The following WDFY4 variants were observed in gnomAD, a reference collection of about 807,000 sequenced individuals.
WDFY4 encodes the protein WDFY family member 4.
WDFY4 carries 169 observed loss-of-function variants against 351.9 expected under a neutral mutation model. The observed-to-expected ratio is 0.48, with a 90% CI of 0.42 to 0.55. The LOEUF (loss-of-function observed/expected upper bound fraction) is 0.55. Among genes scored for constraint, WDFY4 ranks in the 20% least tolerant of loss-of-function variants. WDFY4 has a pLI of 0.00. For synonymous variants in WDFY4, 1,622 were observed against 1,574.6 expected (o/e 1.03, Z -0.71); for missense variants, 3,803 against 3,935.6 (o/e 0.97, Z 0.90).
intron 52 of WDFY4, among the ~76,000 whole-genome samples, chr10:48,958,101 C>G (rs999862271): frequency 6.6e-6 from 1 of 152,190 alleles, no homozygotes; most frequent in African/African-American, 2.4e-5. Flanking sequence ...AGGGCATGCA[C>G]CTGAGCCAGG....
chr10:48,921,062 C>A (rs1395765359), intron 47 of WDFY4, among the ~76,000 whole-genome samples: 1 of 152,102 alleles, frequency 6.6e-6, no homozygotes, highest in Non-Finnish European at 1.5e-5. Flanking sequence ...AATGTCAACT[C>A]TCCCCAAATT....
At chr10:48,721,405 C>T (rs1384846795) in intron 4 of WDFY4, 38 bp downstream of exon 4, 1 of 1,537,384 alleles carries the variant, frequency 6.5e-7, no homozygotes, top group Admixed American at 2.0e-5. Context: ...CTGGGCACTG[C>T]TCATCTAGGT....
chr10:48,867,926 A>T (rs941082417), intron 40 of WDFY4, among the ~76,000 whole-genome samples: 2 of 152,202 alleles, frequency 1.3e-5, no homozygotes, highest in Non-Finnish European at 2.9e-5. Context: ...AAATGCAGAG[A>T]TTATGATACT....
At chr10:48,855,029 C>CA (rs2069088789) in intron 39 of WDFY4, among the ~76,000 whole-genome samples, 1 of 151,606 alleles carries the variant, frequency 6.6e-6, no homozygotes, top group African/African-American at 2.4e-5. Context: ...AACAATGTAA[C>CA]AGCAATATTG....
At chr10:48,770,174 A>T (rs754087306) in intron 13 of WDFY4, among the ~76,000 whole-genome samples, 5 of 152,172 alleles carry the variant, frequency 3.3e-5, no homozygotes, top group African/African-American at 4.8e-5. Flanking sequence ...AGGACGATCA[A>T]TTTTCTCTCC....
chr10:48,785,716 C>T (rs555869231), intron 19 of WDFY4, among the ~76,000 whole-genome samples: 3 of 152,290 alleles, frequency 2.0e-5, no homozygotes, highest in Admixed American at 2.0e-4. Flanking sequence ...ATACCAATGT[C>T]ACACTATATT....
chr10:48,886,671 T>C (rs2070469451), intron 43 of WDFY4, among the ~76,000 whole-genome samples: 1 of 152,200 alleles, frequency 6.6e-6, no homozygotes, highest in African/African-American at 2.4e-5. Context: ...AACATTTATC[T>C]CTATAAATTA....
intron 35 of WDFY4, chr10:48,823,371 T>C (rs1036667290): frequency 2.4e-6 from 3 of 1,254,636 alleles, no homozygotes; most frequent in Non-Finnish European, 3.1e-6. Flanking sequence ...CCAGCAGTCC[T>C]GGTTATGCCC....
chr10:48,732,012 G>T (rs1395690571), intron 9 of WDFY4, among the ~76,000 whole-genome samples: 1 of 152,126 alleles, frequency 6.6e-6, no homozygotes, highest in Non-Finnish European at 1.5e-5. Flanking sequence ...GGTCTTGCGG[G>T]CCCAGCACGC....
intron 24 of WDFY4, among the ~76,000 whole-genome samples, chr10:48,798,285 A>G (rs1053330076): frequency 6.6e-6 from 1 of 152,186 alleles, no homozygotes; most frequent in African/African-American, 2.4e-5. Flanking sequence ...AGAAGGAAGG[A>G]AACATATAAA....
At chr10:48,751,018 T>G (rs980272719) in intron 12 of WDFY4, among the ~76,000 whole-genome samples, 1 of 152,204 alleles carries the variant, frequency 6.6e-6, no homozygotes, top group Admixed American at 6.5e-5. Context: ...GTGCCTGGTG[T>G]CCTGAAGACA....
intron 39 of WDFY4, among the ~76,000 whole-genome samples, chr10:48,844,586 CCTT>C (rs1564410767): frequency 2.0e-5 from 3 of 152,058 alleles, no homozygotes; most frequent in Admixed American, 6.5e-5. Context: ...CAGCAAAACT[CCTT>C]CTCGAACAAA....
At chr10:48,751,115 A>T (rs1037767079) in intron 12 of WDFY4, among the ~76,000 whole-genome samples, 1 of 152,190 alleles carries the variant, frequency 6.6e-6, no homozygotes, top group Non-Finnish European at 1.5e-5. Flanking sequence ...AGAGACATGA[A>T]TGGAGCATTA....
At chr10:48,767,610 A>G (rs979992880) in intron 13 of WDFY4, among the ~76,000 whole-genome samples, 1 of 152,146 alleles carries the variant, frequency 6.6e-6, no homozygotes, top group African/African-American at 2.4e-5. Flanking sequence ...GCAGTTAGTC[A>G]TCAGATGTTA....
chr10:48,922,583 T>C (rs947844156), intron 47 of WDFY4, among the ~76,000 whole-genome samples: 2 of 152,220 alleles, frequency 1.3e-5, no homozygotes, highest in African/African-American at 2.4e-5. Context: ...ACTCGTAAAT[T>C]AAACTTTATC....
At chr10:48,855,127 T>A (rs187170368) in intron 39 of WDFY4, among the ~76,000 whole-genome samples, 20 of 152,330 alleles carry the variant, frequency 1.3e-4, no homozygotes, top group Admixed American at 1.1e-3. Flanking sequence ...ACTGGGTTTT[T>A]AAAATGATAT....
At chr10:48,831,032 CT>C in intron 38 of WDFY4, 147 bp downstream of exon 38, 1 of 802,608 alleles carries the variant, frequency 1.2e-6, no homozygotes, top group Non-Finnish European at 1.9e-6. Context: ...TCACTGAAAT[CT>C]TATGTATCTT....
At chr10:48,930,244 T>G (rs1839912712) in intron 47 of WDFY4, among the ~76,000 whole-genome samples, 1 of 152,240 alleles carries the variant, frequency 6.6e-6, no homozygotes, top group South Asian at 2.1e-4. Flanking sequence ...CTTGACTCAC[T>G]GTTTTTACAT....
intron 2 of WDFY4, among the ~76,000 whole-genome samples, chr10:48,716,712 G>A (rs2063922141): frequency 6.6e-6 from 1 of 152,198 alleles, no homozygotes; most frequent in African/African-American, 2.4e-5. Context: ...TTGCTTTATT[G>A]TGGAGTGCCT....
Sources: gnomAD v4.1 joint callset for allele counts (sites outside exome capture counted in the v4.1 genomes callset) on GRCh38, gnomAD v4.1.1 for gene constraint, MANE v1.5 for transcripts, NCBI Gene and HGNC (gene_info 2026-07-23, HGNC 2026-07-21) for gene names.